IL19: variants seen among roughly 807,000 people sequenced by gnomAD.
IL19 encodes the protein interleukin-19.
Under a neutral mutation model 19.5 loss-of-function variants are expected in IL19, and 15 were observed. The ratio of observed to expected loss-of-function variants is 0.77; its 90% CI spans 0.52 to 1.19. IL19 has a LOEUF of 1.19. Among genes scored for constraint, IL19 ranks in the 50% most tolerant of loss-of-function variants. The probability of loss-of-function intolerance (pLI) is 0.00; values close to 1 mark genes in which losing one functional copy is unlikely to be tolerated. For synonymous variants in IL19, 78 were observed against 78.3 expected (o/e 1.00, Z 0.02); for missense variants, 199 against 213.1 (o/e 0.93, Z 0.41).
chr1:206,775,790 A>G (rs1381915769), intron 1 of IL19, among the ~76,000 whole-genome samples: 1 of 152,168 alleles, frequency 6.6e-6, no homozygotes, highest in Non-Finnish European at 1.5e-5. Flanking sequence ...TTGGGTTTGG[A>G]TTTTGGTACA....
chr1:206,788,266 C>T (rs1395579609), intron 1 of IL19, among the ~76,000 whole-genome samples: 1 of 152,148 alleles, frequency 6.6e-6, no homozygotes, highest in African/African-American at 2.4e-5. Flanking sequence ...ATGTCCTGAC[C>T]CAAGCCCTAG....
chr1:206,841,179 C>A, intron 6 of IL19, 101 bp downstream of exon 6: 1 of 865,480 alleles, frequency 1.2e-6, no homozygotes, highest in Non-Finnish European at 1.9e-6. Flanking sequence ...TGCATTCACT[C>A]TATAAGCAGC....
In IL19 at chr1:206,799,033, T is replaced by C. The variant is rs568182051; in HGVS notation, c.-3+27T>C. The C allele has an allele frequency of 1.5e-5, 22 of 1,446,880 alleles. No homozygotes were observed. The South Asian group carries it at 2.3e-4, about 15-fold the overall frequency. 89.6% of individuals were successfully genotyped at this position (1,446,880 alleles called of 1,614,324 possible). Reference sequence around the variant, plus strand: ...TAAGTAATTTCTGCTATAGGGACCCTGGATGTGGAGCCATTCTCTGGGACC... The same window carrying C: ...TAAGTAATTTCTGCTATAGGGACCCCGGATGTGGAGCCATTCTCTGGGACC... On this transcript the variant is annotated intron_variant, in intron 2 of 6. Coordinates refer to ENST00000659997, the MANE Select transcript of IL19 (RefSeq NM_153758.5).
chr1:206,787,381 A>G (rs2102452238), intron 1 of IL19, among the ~76,000 whole-genome samples: 1 of 152,342 alleles, frequency 6.6e-6, no homozygotes, highest in East Asian at 1.9e-4. Context: ...GCATGTGTGC[A>G]CATATGCATA....
rs556812225 is a variant in IL19 at position 206,830,784 on chromosome 1, G to T, written c.-2-5877G>T. On this transcript the variant is annotated intron_variant, in intron 2 of 6. Coordinates refer to ENST00000659997, the MANE Select transcript of IL19 (RefSeq NM_153758.5). Reference sequence around the variant, plus strand: ...AGTAGAGACGGGGTTTCACCACATTGGCTAGGATGGTCTCGATCTCCTGAC... The same window carrying T: ...AGTAGAGACGGGGTTTCACCACATTTGCTAGGATGGTCTCGATCTCCTGAC... Among the ~76,000 whole-genome samples, 208 of 152,214 alleles carry T rather than the reference G, an allele frequency of 1.4e-3. 2 individuals are homozygous for T. Among genetic ancestry groups the T allele is most frequent in the Non-Finnish European group, 1.3e-3 (90 of 68,020 alleles).
chr1:206,819,046 C>T (rs1288259091), intron 2 of IL19, among the ~76,000 whole-genome samples: 4 of 151,332 alleles, frequency 2.6e-5, no homozygotes, highest in African/African-American at 4.8e-5. Context: ...CTCCTGACCT[C>T]GTGATCTGCC....
chr1:206,818,551 G>T (rs1205284774), intron 2 of IL19, among the ~76,000 whole-genome samples: 1 of 152,214 alleles, frequency 6.6e-6, no homozygotes, highest in Admixed American at 6.5e-5. Context: ...GTGGGGATGT[G>T]GGTGAGAGGG....
At chr1:206,805,991 T>G (rs570895328) in intron 2 of IL19, among the ~76,000 whole-genome samples, 5 of 152,306 alleles carry the variant, frequency 3.3e-5, no homozygotes, top group African/African-American at 7.2e-5. Context: ...GGAGGGTTGT[T>G]CCTGTAGGGT....
intron 2 of IL19, among the ~76,000 whole-genome samples, chr1:206,800,674 T>G: frequency 6.6e-6 from 1 of 152,160 alleles, no homozygotes; most frequent in Non-Finnish European, 1.5e-5. Context: ...ATGAAGTCAT[T>G]TATCTGGAAA....
intron 2 of IL19, chr1:206,834,313 C>T (rs1676711456): frequency 1.0e-5 from 10 of 985,492 alleles, no homozygotes; most frequent in Non-Finnish European, 1.2e-5. Flanking sequence ...TCCTCTTATC[C>T]ACCTGAATAA....
intron 2 of IL19, among the ~76,000 whole-genome samples, chr1:206,825,198 ATGAATC>A (rs1212118312): frequency 6.6e-6 from 1 of 152,216 alleles, no homozygotes; most frequent in Non-Finnish European, 1.5e-5. Flanking sequence ...AACTTCTCAA[ATGAATC>A]AGAAATCTTG....
intron 1 of IL19, among the ~76,000 whole-genome samples, chr1:206,794,302 A>T (rs1163099427): frequency 1.3e-5 from 2 of 152,166 alleles, no homozygotes; most frequent in East Asian, 3.8e-4. Context: ...CTGGCACGGC[A>T]TACAGTAGGC....
At chr1:206,827,568 T>G (rs887690575) in intron 2 of IL19, among the ~76,000 whole-genome samples, 1 of 151,950 alleles carries the variant, frequency 6.6e-6, no homozygotes, top group African/African-American at 2.4e-5. Context: ...TGGGCGCCTG[T>G]AGTCCCAGCT....
At chr1:206,805,259 A>T (rs1306907889) in intron 2 of IL19, among the ~76,000 whole-genome samples, 1 of 152,238 alleles carries the variant, frequency 6.6e-6, no homozygotes, top group Non-Finnish European at 1.5e-5. Context: ...AATAGATTTT[A>T]GTGCCAACTT....
At chr1:206,774,289 G>C (rs948105461) in intron 1 of IL19, among the ~76,000 whole-genome samples, 1 of 152,218 alleles carries the variant, frequency 6.6e-6, no homozygotes, top group Non-Finnish European at 1.5e-5. Flanking sequence ...AAGTGAGAAA[G>C]AGCCTGCTAG....
At chr1:206,788,657 T>TTGCCCCTCAC (rs1294569970) in intron 1 of IL19, among the ~76,000 whole-genome samples, 5 of 152,162 alleles carry the variant, frequency 3.3e-5, no homozygotes, top group Non-Finnish European at 5.9e-5. Context: ...CCTTCCCTCA[T>TTGCCCCTCAC]TGCCCCTCAC....
intron 2 of IL19, among the ~76,000 whole-genome samples, chr1:206,816,334 T>C (rs1339357324): frequency 6.6e-6 from 1 of 152,194 alleles, no homozygotes; most frequent in Non-Finnish European, 1.5e-5. Context: ...CTTTGGAATT[T>C]ATAAAATAGG....
At chr1:206,779,300 C>T (rs1239934053) in intron 1 of IL19, among the ~76,000 whole-genome samples, 1 of 152,246 alleles carries the variant, frequency 6.6e-6, no homozygotes, top group Non-Finnish European at 1.5e-5. Flanking sequence ...CTCACGCCCT[C>T]ACCTGTTTAC....
chr1:206,813,797 C>T (rs893897294), intron 2 of IL19, among the ~76,000 whole-genome samples: 1 of 152,090 alleles, frequency 6.6e-6, no homozygotes, highest in Non-Finnish European at 1.5e-5. Context: ...AGGTATGTTG[C>T]AGAGCTACAC....
Sources: allele counts gnomAD v4.1 joint callset (sites outside exome capture counted in the v4.1 genomes callset), GRCh38; gene constraint gnomAD v4.1.1; transcripts MANE v1.5; gene names NCBI Gene and HGNC (gene_info 2026-07-23, HGNC 2026-07-21).